The following PCNT variants were observed in gnomAD, a reference collection of about 807,000 sequenced individuals.
PCNT encodes kendrin.
Under a neutral mutation model 380.4 loss-of-function variants are expected in PCNT, and 319 were observed. The ratio of observed to expected loss-of-function variants is 0.84; its 90% CI spans 0.77 to 0.92. PCNT has a LOEUF of 0.92. Among genes scored for constraint, PCNT ranks in the 40% least tolerant of loss-of-function variants. The pLI, the probability that PCNT is intolerant of heterozygous loss-of-function variation, is 0.00. For missense variants in PCNT, 4,400 were observed against 4,255.3 expected, an observed-to-expected ratio of 1.03 and a Z score of -0.95; for synonymous variants, 1,845 against 1,735.2, an observed-to-expected ratio of 1.06 and a Z score of -1.57.
intron 34 of PCNT, among the ~76,000 whole-genome samples, chr21:46,428,095 G>A (rs1167587992): frequency 2.6e-5 from 4 of 152,214 alleles, no homozygotes; most frequent in African/African-American, 9.6e-5. Context: ...GTTGAGAGGT[G>A]CTCTGTGTGC....
At chr21:46,433,865 G>A (rs1041380731) in intron 38 of PCNT, among the ~76,000 whole-genome samples, 7 of 152,088 alleles carry the variant, frequency 4.6e-5, no homozygotes, top group African/African-American at 1.4e-4. Flanking sequence ...TCCACCTCCC[G>A]GGTTCAAGTG....
rs897223508 is a variant in PCNT at position 46,388,614 on chromosome 21, C to A, written c.3465-128C>A. ...ACATGGGCATGAGGATCATGTCTTC[C>A]GGCCCCGTGGGGACAGGCAGCCGTG... On this transcript the variant is annotated intron_variant, in intron 17 of 46. Transcript: ENST00000359568. This position sits in a 1 kb window ranked among gnomAD's most constrained non-coding sequence, Gnocchi z 4.2. 1.2e-5 allele frequency: 14 copies of A among 1,182,054 alleles called. No homozygotes were observed. The highest frequency in any genetic ancestry group is 1.7e-5 in the Non-Finnish European group (14 of 804,762). 73.2% of individuals were successfully genotyped at this position (1,182,054 alleles called of 1,614,324 possible).
At chr21:46,410,145 G>A (rs1001390506) in intron 27 of PCNT, among the ~76,000 whole-genome samples, 9 of 152,228 alleles carry the variant, frequency 5.9e-5, no homozygotes, top group African/African-American at 1.9e-4. Context: ...GGCACGCGAC[G>A]GGGAGCAGAA....
chr21:46,347,337 C>G, intron 5 of PCNT, 120 bp from the exon 6 acceptor site: 2 of 959,252 alleles, frequency 2.1e-6, no homozygotes, highest in South Asian at 1.3e-5. Context: ...ACACATCCTG[C>G]TAGCCCGTGA....
intron 3 of PCNT, among the ~76,000 whole-genome samples, chr21:46,340,758 C>T (rs2083889897): frequency 6.6e-6 from 1 of 151,514 alleles, no homozygotes; most frequent in Admixed American, 6.6e-5. Flanking sequence ...CAACCTTCAC[C>T]TCCCAGGTTC....
At chr21:46,335,283 T>C (rs2083698243) in intron 3 of PCNT, among the ~76,000 whole-genome samples, 1 of 152,226 alleles carries the variant, frequency 6.6e-6, no homozygotes, top group Non-Finnish European at 1.5e-5. Context: ...ACGTTCCTGG[T>C]GGGATGAATT....
At chr21:46,395,747 C>A (rs2086187835) in intron 21 of PCNT, among the ~76,000 whole-genome samples, 1 of 151,456 alleles carries the variant, frequency 6.6e-6, no homozygotes, top group Non-Finnish European at 1.5e-5. Context: ...AGCAGACACT[C>A]CATCTCAGAA....
chr21:46,439,957 G>A, intron 41 of PCNT, 126 bp from the exon 42 acceptor site: 1 of 1,092,680 alleles, frequency 9.2e-7, no homozygotes, highest in Non-Finnish European at 1.4e-6. Context: ...GGAGGGGCCA[G>A]GTGTGGTGTG....
At chr21:46,327,306 G>A (rs188837114) in intron 2 of PCNT, among the ~76,000 whole-genome samples, 93 of 152,188 alleles carry the variant, frequency 6.1e-4, no homozygotes, top group Non-Finnish European at 1.1e-3. Context: ...TGATCTGCCC[G>A]CCTCGGCCTC....
intron 32 of PCNT, among the ~76,000 whole-genome samples, chr21:46,422,407 C>T (rs1298593719): frequency 6.6e-6 from 1 of 152,072 alleles, no homozygotes; most frequent in African/African-American, 2.4e-5. Context: ...GCAGAGCCGG[C>T]CTGTGCCTCT....
At chr21:46,440,337 C>A in intron 42 of PCNT, 135 bp downstream of exon 42, 1 of 921,570 alleles carries the variant, frequency 1.1e-6, no homozygotes, top group Non-Finnish European at 1.7e-6. Context: ...AAGGAAAGGA[C>A]GTTCACAGAA....
chr21:46,391,116 G>T (rs2086015717), intron 20 of PCNT, 48 bp from the exon 21 acceptor site: 3 of 1,517,994 alleles, frequency 2.0e-6, no homozygotes, highest in Non-Finnish European at 2.7e-6. Context: ...GCTCTCCTCA[G>T]TTACACCCAG....
rs1455247569 is a variant in PCNT at position 46,353,337 on chromosome 21, C to T, written c.1679+11C>T. On this transcript the variant is annotated intron_variant, in intron 10 of 46. Transcript: ENST00000359568. ...CTCTGTGGAAGTTGGGTAAGCAAAGCAGTTCCAGCCTCAGTGAGTTTCTGC... is the reference window on the plus strand; with the variant it reads ...CTCTGTGGAAGTTGGGTAAGCAAAGTAGTTCCAGCCTCAGTGAGTTTCTGC... 4 of 1,607,960 alleles carry T rather than the reference C, an allele frequency of 2.5e-6. No individual in the cohort carries two copies. The highest frequency in any genetic ancestry group is 2.6e-6 in the Non-Finnish European group (3 of 1,174,424).
chr21:46,342,476 T>C (rs2083936003), intron 3 of PCNT, among the ~76,000 whole-genome samples: 1 of 152,186 alleles, frequency 6.6e-6, no homozygotes, highest in Admixed American at 6.5e-5. Flanking sequence ...TTTTCTGTTT[T>C]CACTGCATCC....
chr21:46,352,204 T>A (rs1018998226), intron 9 of PCNT, among the ~76,000 whole-genome samples: 3 of 152,188 alleles, frequency 2.0e-5, no homozygotes, highest in Non-Finnish European at 4.4e-5. Context: ...TGGCCCAACT[T>A]GTCCTTGTGG....
At chr21:46,394,211 G>C (rs941588927) in intron 21 of PCNT, among the ~76,000 whole-genome samples, 6 of 152,258 alleles carry the variant, frequency 3.9e-5, no homozygotes, top group Non-Finnish European at 7.3e-5. Context: ...CTGGTGTGCA[G>C]CGGCCCTGCC....
At chr21:46,416,938 C>T in intron 30 of PCNT, 99 bp downstream of exon 30, 1 of 1,219,682 alleles carries the variant, frequency 8.2e-7, no homozygotes, top group Non-Finnish European at 1.2e-6. Flanking sequence ...CCTGACAGCA[C>T]ACACCTCGCA....
chr21:46,410,521 A>G (rs2086751731), intron 27 of PCNT, among the ~76,000 whole-genome samples: 1 of 152,272 alleles, frequency 6.6e-6, no homozygotes, highest in African/African-American at 2.4e-5. Context: ...ATTGACATAC[A>G]TCTCAATCCT....
chr21:46,388,660 T>C lies in PCNT; in HGVS notation c.3465-82T>C. On this transcript the variant is annotated intron_variant, in intron 17 of 46. Transcript: ENST00000359568. The surrounding 1 kb of genome is among the most constrained non-coding windows in gnomAD (Gnocchi z 4.2). ...CCGTGGGCCGAGGTGTGCAAACTGG[T>C]GGGCGGCCCCTCAGCAGCATCCAGG... is the stretch of plus-strand genomic sequence containing the variant. 1 of 1,567,338 alleles carries C rather than the reference T, an allele frequency of 6.4e-7. No homozygotes were observed. The highest frequency in any genetic ancestry group is 1.1e-5 in the South Asian group (1 of 89,860).
Sources: allele counts gnomAD v4.1 joint callset (sites outside exome capture counted in the v4.1 genomes callset), GRCh38; gene constraint gnomAD v4.1.1; non-coding constraint Gnocchi (gnomAD v3.1); transcripts MANE v1.5; gene names NCBI Gene and HGNC (gene_info 2026-07-23, HGNC 2026-07-21).